Variants in TMEM272 observed in about 807,000 individuals in gnomAD.
TMEM272 encodes long intergenic non-protein coding RNA 282.
A neutral mutation model predicts 3.7 loss-of-function variants in TMEM272; 8 were observed. The observed-to-expected ratio is 2.17, with a 90% CI of 1.27 to 3.91. The LOEUF is 3.91. TMEM272 is among the 30% of genes most tolerant of loss of function. The pLI is 0.00. For synonymous variants in TMEM272, 63 were observed against 39.8 expected, an observed-to-expected ratio of 1.58 and a Z score of -2.20; for missense variants, 166 against 91.5, an observed-to-expected ratio of 1.81 and a Z score of -3.32.
intron 4 of TMEM272, among the ~76,000 whole-genome samples, chr13:51,821,515 C>T (rs1956078151): frequency 6.6e-6 from 1 of 152,094 alleles, no homozygotes; most frequent in African/African-American, 2.4e-5. Context: ...CATAAGAATA[C>T]TTTAATAGTT....
chr13:51,827,198 TG>T (rs1956133164), intron 2 of TMEM272, among the ~76,000 whole-genome samples: 1 of 152,188 alleles, frequency 6.6e-6, no homozygotes, highest in African/African-American at 2.4e-5. Context: ...TGAACTGGCT[TG>T]GGGTTTTTCT....
the TMEM272 span, among the ~76,000 whole-genome samples, chr13:51,923,686 A>C: frequency 6.9e-6 from 1 of 145,322 alleles, no homozygotes. Flanking sequence ...TGAAGGAGAG[A>C]AGGGGGTAAA....
At chr13:51,886,470 C>T in the TMEM272 span, among the ~76,000 whole-genome samples, 1 of 152,070 alleles carries the variant, frequency 6.6e-6, no homozygotes, top group Non-Finnish European at 1.5e-5. Context: ...GACACAGAGC[C>T]GTCAAGTGAC....
the TMEM272 span, among the ~76,000 whole-genome samples, chr13:51,926,017 G>A: frequency 4.6e-5 from 7 of 150,924 alleles, no homozygotes; most frequent in African/African-American, 1.7e-4. Flanking sequence ...TGGCATATAT[G>A]TATGTGAGGT....
the TMEM272 span, among the ~76,000 whole-genome samples, chr13:51,868,448 T>C: frequency 3.9e-3 from 592 of 152,366 alleles, 4 homozygotes; most frequent in African/African-American, 0.013. Context: ...AAGTAAGCTG[T>C]GTACAACTAA....
At chr13:51,827,257 A>C (rs1956133856) in intron 2 of TMEM272, among the ~76,000 whole-genome samples, 1 of 152,188 alleles carries the variant, frequency 6.6e-6, no homozygotes, top group African/African-American at 2.4e-5. Context: ...GAAAGAACAG[A>C]GGAATGGGGG....
chr13:51,920,040 T>C, the TMEM272 span, among the ~76,000 whole-genome samples: 3 of 152,188 alleles, frequency 2.0e-5, no homozygotes. Context: ...TGGAATTATT[T>C]TGTGGAAGTC....
At chr13:51,877,313 T>C in the TMEM272 span, among the ~76,000 whole-genome samples, 1 of 152,226 alleles carries the variant, frequency 6.6e-6, no homozygotes, top group Non-Finnish European at 1.5e-5. Flanking sequence ...CCATGTCATA[T>C]GCTACATTAC....
At chr13:51,824,973 G>A (rs1956111731) in intron 3 of TMEM272, among the ~76,000 whole-genome samples, 2 of 152,102 alleles carry the variant, frequency 1.3e-5, no homozygotes, top group African/African-American at 2.4e-5. Flanking sequence ...AAAAAGAAAG[G>A]TAACTAACCA....
chr13:51,875,274 A>G, the TMEM272 span, among the ~76,000 whole-genome samples: 1 of 152,208 alleles, frequency 6.6e-6, no homozygotes, highest in South Asian at 2.1e-4. Flanking sequence ...CACAACCAGT[A>G]AAAGGTGGAA....
chr13:51,822,358 G>A (rs1433828258), intron 3 of TMEM272, among the ~76,000 whole-genome samples: 6 of 152,254 alleles, frequency 3.9e-5, no homozygotes, highest in Admixed American at 1.3e-4. Flanking sequence ...AAATACTCCC[G>A]CAGACAGGGC....
the TMEM272 span, among the ~76,000 whole-genome samples, chr13:51,888,688 C>T: frequency 2.4e-5 from 3 of 125,584 alleles, no homozygotes; most frequent in Non-Finnish European, 3.2e-5. Flanking sequence ...CACTGTCGCC[C>T]AGACTGGAGT....
At chr13:51,819,491 C>A (rs189126730) in intron 4 of TMEM272, among the ~76,000 whole-genome samples, 2 of 152,288 alleles carry the variant, frequency 1.3e-5, no homozygotes, top group African/African-American at 4.8e-5. Context: ...TACAATGATG[C>A]CAGGAGAAAG....
intron 4 of TMEM272, among the ~76,000 whole-genome samples, chr13:51,820,376 C>G (rs978707179): frequency 2.0e-5 from 3 of 152,210 alleles, no homozygotes; most frequent in African/African-American, 7.2e-5. Flanking sequence ...TCTGGGGACT[C>G]TAATCCTGTT....
rs1291206349 is a variant in TMEM272 at position 51,845,101 on chromosome 13, C to T, written c.-109G>A. On this transcript the variant is annotated 5_prime_UTR_variant, in exon 1 of 5. Coordinates refer to ENST00000629372, the MANE Select transcript of TMEM272 (RefSeq NM_001351003.2). ...GTCCAGGGCTGCCTCTGTGGGGCTC[C>T]TCTTGACTTGGGGCTCCCACTCCCT... 1 of 152,396 alleles carries T rather than the reference C, an allele frequency of 6.6e-6. No individual in the cohort carries two copies. Among genetic ancestry groups the T allele is most frequent in the Non-Finnish European group, 1.5e-5 (1 of 68,210 alleles). 9.4% of individuals were successfully genotyped at this position (152,396 alleles called of 1,614,324 possible). A position where few individuals can be genotyped will look rare whatever the true frequency, so the allele number is the denominator to read the frequency against.
chr13:51,921,065 T>G, the TMEM272 span, among the ~76,000 whole-genome samples: 1,152 of 152,146 alleles, frequency 7.6e-3, 14 homozygotes, highest in African/African-American at 0.027. Flanking sequence ...GCAGAGAGCT[T>G]GCTGTATCAG....
chr13:51,879,024 A>ACAGC, the TMEM272 span, among the ~76,000 whole-genome samples: 4 of 152,228 alleles, frequency 2.6e-5, no homozygotes, highest in Non-Finnish European at 5.9e-5. Context: ...GAGAAAAGCC[A>ACAGC]CAGCCCTGGG....
intron 2 of TMEM272, 40 bp downstream of exon 2, chr13:51,838,433 A>C (rs1431586526): frequency 1.4e-6 from 1 of 702,898 alleles, no homozygotes; most frequent in Non-Finnish European, 2.6e-6. Flanking sequence ...AGAGGTCTCA[A>C]TCCTACAAAA....
At chr13:51,840,943 G>C (rs1458826521) in intron 1 of TMEM272, among the ~76,000 whole-genome samples, 1 of 152,204 alleles carries the variant, frequency 6.6e-6, no homozygotes, top group Non-Finnish European at 1.5e-5. Context: ...AATGGGGTTT[G>C]CCAGGTGCAC....
Sources: gnomAD v4.1 joint callset for allele counts (sites outside exome capture counted in the v4.1 genomes callset) on GRCh38, gnomAD v4.1.1 for gene constraint, MANE v1.5 for transcripts, NCBI Gene and HGNC (gene_info 2026-07-23, HGNC 2026-07-21) for gene names.